Variants in SAP30BP observed in about 807,000 individuals in gnomAD.
The protein encoded by SAP30BP is SAP30-binding protein.
In SAP30BP, 31 loss-of-function variants were observed where a neutral mutation model predicts 46.3. That is an observed-to-expected ratio of 0.67 (90% CI 0.50 to 0.90). The LOEUF (loss-of-function observed/expected upper bound fraction) is 0.90. SAP30BP is among the 40% of genes least tolerant of loss of function. SAP30BP has a pLI of 0.00. For missense variants in SAP30BP, 312 were observed against 391.0 expected (o/e 0.80, Z 1.70); for synonymous variants, 169 against 144.2 (o/e 1.17, Z -1.23).
Position 75,674,711 on chromosome 17 carries a change from T to G in SAP30BP, c.264+2848T>G, listed in dbSNP as rs573664449. ...GTTTGTTTTTTGTTTTTTTTTTTTT[T>G]TTTTTTTTTTTTTTGAGGTGGAGTC... On this transcript the variant is annotated intron_variant, in intron 3 of 10. Coordinates refer to ENST00000584667, the MANE Select transcript of SAP30BP (RefSeq NM_013260.8). Among the ~76,000 whole-genome samples the G allele has an allele frequency of 7.9e-3, 864 of 110,046 alleles. 34 individuals are homozygous for G. Among genetic ancestry groups the G allele is most frequent in the African/African-American group, 0.028 (763 of 27,600 alleles). 72.2% of individuals were successfully genotyped at this position (110,046 alleles called of 152,430 possible).
intron 2 of SAP30BP, among the ~76,000 whole-genome samples, chr17:75,670,278 C>T (rs1338083525): frequency 1.3e-5 from 2 of 151,976 alleles, no homozygotes; most frequent in South Asian, 2.1e-4. Context: ...GCCGAGATCA[C>T]GCCACTGCAC....
At chr17:75,674,254 C>G (rs1181704469) in intron 3 of SAP30BP, among the ~76,000 whole-genome samples, 1 of 152,012 alleles carries the variant, frequency 6.6e-6, no homozygotes, top group Non-Finnish European at 1.5e-5. Flanking sequence ...TACCTCAAAT[C>G]CAGAACTTTC....
Position 75,703,833 on chromosome 17 carries a change from C to CT in SAP30BP, c.576dup (p.Glu193Ter). On this transcript the variant is annotated frameshift_variant, in exon 8 of 11. Transcript: ENST00000584667. LOFTEE classifies it high-confidence loss of function. ...GATATGTTTGATCCCCATGGCTGGT[C>CT]TGAGGACTCCTACTATGAGGCATTA... 1 of 1,613,738 alleles carries CT rather than the reference C, an allele frequency of 6.2e-7. No individual in the cohort carries two copies. The highest frequency in any genetic ancestry group is 8.5e-7 in the Non-Finnish European group (1 of 1,179,612).
chr17:75,669,113 G>A (rs2059868192), intron 2 of SAP30BP, among the ~76,000 whole-genome samples: 1 of 150,708 alleles, frequency 6.6e-6, no homozygotes, highest in African/African-American at 2.5e-5. Flanking sequence ...TCACTCTGCT[G>A]TCCAGATTGG....
At chr17:75,667,619 T>G (rs1229789178) in intron 1 of SAP30BP, 141 bp downstream of exon 1, 1 of 664,940 alleles carries the variant, frequency 1.5e-6, no homozygotes, top group Non-Finnish European at 2.6e-6. Flanking sequence ...CGGGGTGAGA[T>G]AGAGCATTAG....
intron 3 of SAP30BP, among the ~76,000 whole-genome samples, chr17:75,677,395 G>A (rs987135400): frequency 6.7e-6 from 1 of 148,314 alleles, no homozygotes; most frequent in Non-Finnish European, 1.5e-5. Context: ...GAGCCACCAC[G>A]CCCGGCCTAT....
At chr17:75,676,793 ATTG>A (rs906348284) in intron 3 of SAP30BP, among the ~76,000 whole-genome samples, 42 of 152,302 alleles carry the variant, frequency 2.8e-4, no homozygotes, top group Admixed American at 2.0e-3. Context: ...TATAATTCTA[ATTG>A]TTGTTAATCT....
At position 75,678,091 on chromosome 17, in the gene SAP30BP, A is replaced by G. The variant is rs114855919; in HGVS notation, c.264+6228A>G. On this transcript the variant is annotated intron_variant, in intron 3 of 10. Coordinates refer to ENST00000584667, the MANE Select transcript of SAP30BP (RefSeq NM_013260.8). ...ATGATTCAGCCCTGGCATGGTGGGG[A>G]GGAGTTCAAGCTCTGGAATGAGACT... Among the ~76,000 whole-genome samples the G allele has an allele frequency of 1.5e-3, 231 of 152,134 alleles. 2 individuals are homozygous for G. Among genetic ancestry groups the G allele is most frequent in the African/African-American group, 5.4e-3 (225 of 41,490 alleles).
At chr17:75,704,725 A>C (rs751353721) in intron 8 of SAP30BP, 31 bp from the exon 9 acceptor site, 1 of 1,587,242 alleles carries the variant, frequency 6.3e-7, no homozygotes, top group South Asian at 1.1e-5. Context: ...CTCGGGGGCC[A>C]CCTTTGTAAC....
chr17:75,703,094 A>G (rs567211499), intron 6 of SAP30BP: 2 of 575,022 alleles, frequency 3.5e-6, no homozygotes, highest in African/African-American at 3.7e-5. Flanking sequence ...CAGTGAGACA[A>G]AACTCAGCCG....
At chr17:75,676,490 A>C (rs899268036) in intron 3 of SAP30BP, among the ~76,000 whole-genome samples, 2 of 152,258 alleles carry the variant, frequency 1.3e-5, no homozygotes, top group African/African-American at 4.8e-5. Flanking sequence ...GAAAGCATGA[A>C]TTTATCATTT....
chr17:75,689,388 C>A (rs1320067798), intron 3 of SAP30BP, among the ~76,000 whole-genome samples: 2 of 152,066 alleles, frequency 1.3e-5, no homozygotes, highest in Admixed American at 6.6e-5. Flanking sequence ...ACTCCCCCAG[C>A]CTGTTTTTCC....
intron 3 of SAP30BP, among the ~76,000 whole-genome samples, chr17:75,683,034 T>A (rs1423153444): frequency 1.1e-4 from 12 of 110,286 alleles, no homozygotes; most frequent in Admixed American, 3.7e-4. Context: ...GAAAAATTTA[T>A]TTTATTTATT....
chr17:75,706,250 C>T lies in SAP30BP; in HGVS notation c.746-90C>T, dbSNP rs927257405. On this transcript the variant is annotated intron_variant, in intron 10 of 10. Transcript: ENST00000584667. The surrounding 1 kb of genome is among the most constrained non-coding windows in gnomAD (Gnocchi z 4.6). Reference sequence around the variant, plus strand: ...CTGGGGTGGGCCACTTCGGGGTCTGCTCCCTAGACTCCCGCTGGCCTGCAG... The same window carrying T: ...CTGGGGTGGGCCACTTCGGGGTCTGTTCCCTAGACTCCCGCTGGCCTGCAG... 51 of 1,542,614 alleles carry T rather than the reference C, an allele frequency of 3.3e-5. No homozygotes were observed. The highest frequency in any genetic ancestry group is 4.5e-5 in the Non-Finnish European group (51 of 1,135,404).
At chr17:75,674,430 G>A (rs1258748774) in intron 3 of SAP30BP, among the ~76,000 whole-genome samples, 1 of 151,958 alleles carries the variant, frequency 6.6e-6, no homozygotes, top group African/African-American at 2.4e-5. Flanking sequence ...GAGTAGCTGG[G>A]ATTACAGGTG....
intron 4 of SAP30BP, among the ~76,000 whole-genome samples, chr17:75,695,057 CA>C (rs2060296740): frequency 6.6e-6 from 1 of 152,312 alleles, no homozygotes; most frequent in African/African-American, 2.4e-5. Context: ...GACCGTGTTA[CA>C]GGTGATTCCC....
chr17:75,675,395 C>T (rs1177278050), intron 3 of SAP30BP, among the ~76,000 whole-genome samples: 3 of 152,000 alleles, frequency 2.0e-5, no homozygotes, highest in South Asian at 4.1e-4. Flanking sequence ...GTTATCTGCC[C>T]ACCTCAGCCT....
At chr17:75,688,102 C>A (rs1222317204) in intron 3 of SAP30BP, among the ~76,000 whole-genome samples, 1 of 152,090 alleles carries the variant, frequency 6.6e-6, no homozygotes, top group Non-Finnish European at 1.5e-5. Context: ...CTTCCCTGGG[C>A]TGGGCTGAGG....
At chr17:75,701,559 G>A (rs1428338051) in intron 5 of SAP30BP, among the ~76,000 whole-genome samples, 1 of 152,212 alleles carries the variant, frequency 6.6e-6, no homozygotes, top group Non-Finnish European at 1.5e-5. Flanking sequence ...GGGAGTTTGG[G>A]TGAGAGATAA....
Sources: gnomAD v4.1 joint callset for allele counts (sites outside exome capture counted in the v4.1 genomes callset) on GRCh38, gnomAD v4.1.1 for gene constraint, Gnocchi (gnomAD v3.1) non-coding constraint, MANE v1.5 for transcripts, NCBI Gene and HGNC (gene_info 2026-07-23, HGNC 2026-07-21) for gene names.